The following PCDHA5 variants were observed in gnomAD, a reference collection of about 807,000 sequenced individuals.
PCDHA5 encodes the protein protocadherin alpha-5.
PCDHA5 carries 43 observed loss-of-function variants against 61.6 expected under a neutral mutation model. That is an observed-to-expected ratio of 0.70 (90% CI 0.55 to 0.90). PCDHA5 has a LOEUF of 0.90. Among genes scored for constraint, PCDHA5 ranks in the 40% least tolerant of loss-of-function variants. The probability of loss-of-function intolerance (pLI) is 0.00; values close to 1 mark genes in which losing one functional copy is unlikely to be tolerated. For missense variants in PCDHA5, 1,298 were observed against 1,222.7 expected (o/e 1.06, Z -0.92); for synonymous variants, 627 against 543.9 (o/e 1.15, Z -2.13).
At chr5:140,989,109 A>C (rs2097330096) in intron 3 of PCDHA5, 2 of 152,240 alleles carry the variant, frequency 1.3e-5, no homozygotes, top group African/African-American at 4.8e-5. Context: ...CAACTTTTGA[A>C]TATATCTTAG....
intron 1 of PCDHA5, among the ~76,000 whole-genome samples, chr5:140,925,606 C>A (rs1554202814): frequency 1.3e-5 from 2 of 150,882 alleles, no homozygotes; most frequent in African/African-American, 4.9e-5. Context: ...TGTAACAAAC[C>A]TGCACGTTGT....
At position 140,899,912 on chromosome 5, in the gene PCDHA5, A is replaced by G. The variant is rs574794282; in HGVS notation, c.2352+75785A>G. The stretch of plus-strand genomic sequence containing the variant: ...AGCCTTGACATCCTGGGCTCAAGCA[A>G]TCCTCCTGCCTCAGCCTCCTGAATA... On this transcript the variant is annotated intron_variant, in intron 1 of 3. Transcript: ENST00000529859. Among the ~76,000 whole-genome samples the G allele has an allele frequency of 2.0e-5, 3 of 152,154 alleles. No homozygotes were observed. In the East Asian group the frequency reaches 5.8e-4, roughly 29 times the overall value.
chr5:140,856,312 G>C, intron 1 of PCDHA5: 1 of 1,598,632 alleles, frequency 6.3e-7, no homozygotes, highest in Non-Finnish European at 8.6e-7. Context: ...TGAATTCTCG[G>C]ATTGACCGCG....
intron 1 of PCDHA5, chr5:140,857,742 T>A (rs375305711): frequency 1.3e-6 from 2 of 1,597,392 alleles, no homozygotes; most frequent in Non-Finnish European, 1.7e-6. Flanking sequence ...CCCGCGCTGC[T>A]GGCGTCTCCC....
At chr5:140,870,318 G>C in intron 1 of PCDHA5, 1 of 1,614,178 alleles carries the variant, frequency 6.2e-7, no homozygotes, top group Non-Finnish European at 8.5e-7. Flanking sequence ...ATTACTACTC[G>C]TTGGTGCTGG....
At chr5:140,826,307 G>T (rs1326505892) in intron 1 of PCDHA5, among the ~76,000 whole-genome samples, 5 of 151,882 alleles carry the variant, frequency 3.3e-5, no homozygotes. Context: ...GGAACCTCTT[G>T]TTTTGGGGAT....
intron 1 of PCDHA5, among the ~76,000 whole-genome samples, chr5:140,959,960 T>C (rs1236536895): frequency 6.6e-6 from 1 of 152,124 alleles, no homozygotes; most frequent in Non-Finnish European, 1.5e-5. Context: ...AGGTAGGAGG[T>C]AGATGTTACT....
intron 1 of PCDHA5, among the ~76,000 whole-genome samples, chr5:140,941,348 G>T (rs1193360429): frequency 1.7e-5 from 2 of 116,240 alleles, no homozygotes; most frequent in East Asian, 2.7e-4. Context: ...ATGGAGTCTT[G>T]CTCTGTTGCC....
chr5:140,882,813 C>T lies in PCDHA5; in HGVS notation c.2352+58686C>T, dbSNP rs782169035. On this transcript the variant is annotated intron_variant, in intron 1 of 3. Transcript: ENST00000529859. ...CCCAACGATTATTTCACTTTGGACG[C>T]ACAAAACAGTCTTGAGCAAATGTCT... 4 of 1,614,176 alleles carry T rather than the reference C, an allele frequency of 2.5e-6. No individual in the cohort carries two copies. The East Asian group carries it at 6.7e-5, about 27-fold the overall frequency.
At chr5:140,900,013 T>A (rs1351991303) in intron 1 of PCDHA5, among the ~76,000 whole-genome samples, 1 of 152,062 alleles carries the variant, frequency 6.6e-6, no homozygotes, top group Admixed American at 6.6e-5. Flanking sequence ...TCTCACTTTG[T>A]TACCCAGTTT....
rs1554128658 is a variant in PCDHA5 at position 140,822,466 on chromosome 5, G to T, written c.691G>T (p.Val231Leu). 1 of 1,613,560 alleles carries T rather than the reference G, an allele frequency of 6.2e-7. No homozygotes were observed. Among genetic ancestry groups the T allele is most frequent in the African/African-American group, 1.3e-5 (1 of 74,924 alleles). The change falls in exon 1 of 4, where the codon GTA becomes TTA. Residue 231 changes from valine (V) to leucine (L), a missense_variant. Physicochemically the swap from Val to Leu is conservative, Grantham distance 32. Coordinates refer to ENST00000529859, the MANE Select transcript of PCDHA5 (RefSeq NM_018908.3). ...LTGTVQLLIN[V>L]LDANDNAPEF... ...AGGTACAGTTCAGTTGTTGATCAATGTATTGGATGCTAATGATAACGCCCC... is the reference window on the plus strand; with the variant it reads ...AGGTACAGTTCAGTTGTTGATCAATTTATTGGATGCTAATGATAACGCCCC...
intron 1 of PCDHA5, chr5:140,869,097 G>A (rs1344358126): frequency 2.5e-6 from 4 of 1,595,318 alleles, no homozygotes; most frequent in Non-Finnish European, 2.6e-6. Flanking sequence ...AGCCAATTTC[G>A]TATGCGATGT....
intron 1 of PCDHA5, chr5:140,871,342 T>C: frequency 6.2e-7 from 1 of 1,614,120 alleles, no homozygotes; most frequent in Non-Finnish European, 8.5e-7. Context: ...GGTGGGGAGC[T>C]GGTCATACTC....
At chr5:140,844,109 T>A (rs1779229208) in intron 1 of PCDHA5, among the ~76,000 whole-genome samples, 1 of 149,768 alleles carries the variant, frequency 6.7e-6, no homozygotes, top group Non-Finnish European at 1.5e-5. Flanking sequence ...CCATATGCTG[T>A]ACTTTGAAAT....
At chr5:140,852,822 T>C in intron 1 of PCDHA5, 1 of 971,316 alleles carries the variant, frequency 1.0e-6, no homozygotes, top group East Asian at 1.1e-4. Flanking sequence ...CCCTAAGTCC[T>C]CCAGTCTCCT....
At chr5:140,942,679 G>T (rs549826522) in intron 1 of PCDHA5, among the ~76,000 whole-genome samples, 8 of 151,904 alleles carry the variant, frequency 5.3e-5, no homozygotes, top group Non-Finnish European at 8.8e-5. Flanking sequence ...AAAGTTTTAG[G>T]AATAACTTTA....
At chr5:140,943,516 A>T (rs1202948180) in intron 1 of PCDHA5, among the ~76,000 whole-genome samples, 1 of 152,176 alleles carries the variant, frequency 6.6e-6, no homozygotes, top group Admixed American at 6.5e-5. Context: ...GGAAATGTTG[A>T]GTTCAGTATG....
At chr5:140,875,339 T>C in intron 1 of PCDHA5, 2 of 1,441,270 alleles carry the variant, frequency 1.4e-6, no homozygotes, top group Non-Finnish European at 1.8e-6. Flanking sequence ...TAGGATCGAC[T>C]CCATAATGAC....
intron 1 of PCDHA5, among the ~76,000 whole-genome samples, chr5:140,947,689 G>A (rs1276078725): frequency 2.0e-5 from 3 of 151,490 alleles, no homozygotes; most frequent in African/African-American, 4.8e-5. Context: ...GTCTCAGCAT[G>A]TTCTGTAGTT....
Sources: gnomAD v4.1 joint callset for allele counts (sites outside exome capture counted in the v4.1 genomes callset) on GRCh38, gnomAD v4.1.1 for gene constraint, MANE v1.5 for transcripts, NCBI Gene and HGNC (gene_info 2026-07-23, HGNC 2026-07-21) for gene names.